Variants in GVQW3 observed in about 807,000 individuals in gnomAD.
GVQW3 encodes the protein GVQW motif containing 3, also known as protein GVQW3.
Under a neutral mutation model 12.5 loss-of-function variants are expected in GVQW3, and 7 were observed. That is an observed-to-expected ratio of 0.56 (90% CI 0.32 to 1.05). The LOEUF (loss-of-function observed/expected upper bound fraction) is 1.05. Ranked by LOEUF, GVQW3 falls within the 50% of genes least tolerant of loss-of-function variation. The probability of loss-of-function intolerance (pLI) is 0.04; values close to 1 mark genes in which losing one functional copy is unlikely to be tolerated. For synonymous variants in GVQW3, 71 were observed against 67.2 expected (o/e 1.06, Z -0.28); for missense variants, 188 against 190.8 (o/e 0.99, Z 0.09).
chr11:76,397,688 T>C (rs1946951656), intron 1 of GVQW3, among the ~76,000 whole-genome samples: 1 of 152,256 alleles, frequency 6.6e-6, no homozygotes, highest in African/African-American at 2.4e-5. Context: ...CACCATTCTA[T>C]AGTATGTCTA....
At chr11:76,409,662 A>C (rs547243453), downstream of GVQW3, among the ~76,000 whole-genome samples, 2 of 152,182 alleles carry the variant, frequency 1.3e-5, no homozygotes, top group Non-Finnish European at 2.9e-5. Context: ...TTCTTACCAC[A>C]TTAAATCATT....
rs1034638067 is a variant in GVQW3, at chr11:76,403,828, C to T, written c.*70C>T. 15 of 673,314 alleles carry T rather than the reference C, an allele frequency of 2.2e-5. No homozygotes were observed. The highest frequency in any genetic ancestry group is 1.9e-4 in the Admixed American group (9 of 48,028). The allele number at this position is 673,314 out of a possible 1,614,324, so 41.7% of individuals were successfully genotyped here. On this transcript the variant is annotated 3_prime_UTR_variant, in exon 2 of 2. Coordinates refer to ENST00000529331, the MANE Select transcript of GVQW3 (RefSeq NM_001347885.2). ...CAGTCTGAGTCCACAGGCCGAAGAG[C>T]GAGGAGTGCTGATGTACAAGGGCAG...
intron 1 of GVQW3, among the ~76,000 whole-genome samples, chr11:76,402,383 T>A (rs1384659870): frequency 1.3e-5 from 2 of 152,046 alleles, no homozygotes; most frequent in African/African-American, 2.4e-5. Flanking sequence ...TGAAGCCCTG[T>A]CTCTACTAAA....
At chr11:76,401,193 C>T (rs1396171464) in intron 1 of GVQW3, among the ~76,000 whole-genome samples, 4 of 151,928 alleles carry the variant, frequency 2.6e-5, no homozygotes, top group Admixed American at 1.3e-4. Flanking sequence ...ACTTTCTTAT[C>T]TCTCTATTTT....
At chr11:76,408,214 T>TA (rs1392183683), downstream of GVQW3, 4 of 152,286 alleles carry the variant, frequency 2.6e-5, no homozygotes, top group East Asian at 7.7e-4. Flanking sequence ...CGTACACAGA[T>TA]ACGCTTATTA....
At chr11:76,408,874 C>T (rs531045992), downstream of GVQW3, among the ~76,000 whole-genome samples, 13 of 152,180 alleles carry the variant, frequency 8.5e-5, no homozygotes, top group South Asian at 2.1e-4. Flanking sequence ...ATGATTTGTA[C>T]GGGAGAAATT....
In GVQW3 at chr11:76,400,352, A is replaced by C. The variant is rs187187334; in HGVS notation, c.466-3308A>C. Among the ~76,000 whole-genome samples, 373 of 151,174 alleles carry C rather than the reference A, an allele frequency of 2.5e-3. 1 individual carries two copies. The highest frequency in any genetic ancestry group is 8.7e-3 in the African/African-American group (359 of 41,190). ...TGGTCCTGAACTCCTGACCTCAGGT[A>C]ATCCACCTGCCTCAGCCTCCCAAAG... On this transcript the variant is annotated intron_variant, in intron 1 of 1. Transcript: ENST00000529331.
chr11:76,381,781 C>T lies in GVQW3; in HGVS notation c.-48C>T. The T allele has an allele frequency of 6.9e-7, 1 of 1,457,402 alleles. No individual in the cohort carries two copies. The highest frequency in any genetic ancestry group is 9.0e-7 in the Non-Finnish European group (1 of 1,107,432). 90.3% of individuals were successfully genotyped at this position (1,457,402 alleles called of 1,614,324 possible). A position where few individuals can be genotyped will look rare whatever the true frequency, so the allele number is the denominator to read the frequency against. Reference sequence around the variant, plus strand: ...ATAAAGATTGATCTGTCCGTCTTTCCCTTACAGTCGTGGCCTGTTAAACGT... The same window carrying T: ...ATAAAGATTGATCTGTCCGTCTTTCTCTTACAGTCGTGGCCTGTTAAACGT... On this transcript the variant is annotated 5_prime_UTR_variant, in exon 1 of 2. Transcript: ENST00000529331.
chr11:76,410,099 A>G (rs1947070665), downstream of GVQW3, among the ~76,000 whole-genome samples: 1 of 152,128 alleles, frequency 6.6e-6, no homozygotes, highest in Non-Finnish European at 1.5e-5. Flanking sequence ...TCTACAAAAA[A>G]ATAAGAAAAA....
chr11:76,403,257 C>T (rs1010982778), intron 1 of GVQW3, among the ~76,000 whole-genome samples: 4 of 152,146 alleles, frequency 2.6e-5, no homozygotes, highest in Non-Finnish European at 5.9e-5. Context: ...TGGAGGTAGA[C>T]ATTATCTCCT....
chr11:76,387,920 C>T (rs1946852193), intron 1 of GVQW3, among the ~76,000 whole-genome samples: 1 of 151,952 alleles, frequency 6.6e-6, no homozygotes, highest in Non-Finnish European at 1.5e-5. Flanking sequence ...GAGACCCTGT[C>T]TCAAACAAAA....
intron 1 of GVQW3, among the ~76,000 whole-genome samples, chr11:76,391,971 A>T (rs947543917): frequency 6.6e-6 from 1 of 152,186 alleles, no homozygotes; most frequent in African/African-American, 2.4e-5. Context: ...CAAACAAAAA[A>T]AAATCAGTGA....
downstream of GVQW3, among the ~76,000 whole-genome samples, chr11:76,410,423 G>C (rs1355015105): frequency 1.6e-5 from 2 of 125,498 alleles, no homozygotes; most frequent in African/African-American, 5.9e-5. Context: ...CCTGGGAAAA[G>C]GGTCTGTTTT....
chr11:76,413,336 C>A (rs935993976), exon 2 of GVQW3: 1 of 152,240 alleles, frequency 6.6e-6, no homozygotes, highest in East Asian at 1.9e-4. Context: ...AGGGACTTTC[C>A]GCAGATAACA....
At position 76,403,980 on chromosome 11, in the gene GVQW3, C is replaced by G. The variant is rs1015839468; in HGVS notation, c.*222C>G. On this transcript the variant is annotated 3_prime_UTR_variant, in exon 2 of 2. Transcript: ENST00000529331. ...TAGGGAGGGCTGCCTCTTCATTACT[C>G]GGTCTACCAATTCAAATGCTAATCT... The G allele has an allele frequency of 1.5e-6, 1 of 680,826 alleles. No individual in the cohort carries two copies. The highest frequency in any genetic ancestry group is 2.8e-5 in the East Asian group (1 of 36,088). 42.2% of individuals were successfully genotyped at this position (680,826 alleles called of 1,614,324 possible). A position where few individuals can be genotyped will look rare whatever the true frequency, so the allele number is the denominator to read the frequency against.
chr11:76,393,476 G>A (rs1946911714), intron 1 of GVQW3, among the ~76,000 whole-genome samples: 1 of 152,146 alleles, frequency 6.6e-6, no homozygotes, highest in African/African-American at 2.4e-5. Flanking sequence ...CTGCTCCTGT[G>A]CTATTTGGCT....
chr11:76,385,834 CA>C (rs1946828324), intron 1 of GVQW3, among the ~76,000 whole-genome samples: 1 of 152,164 alleles, frequency 6.6e-6, no homozygotes, highest in Non-Finnish European at 1.5e-5. Context: ...TTGCACTCCC[CA>C]GAGGCACCCA....
intron 1 of GVQW3, among the ~76,000 whole-genome samples, chr11:76,399,840 A>G (rs1263321075): frequency 6.6e-6 from 1 of 152,068 alleles, no homozygotes; most frequent in Non-Finnish European, 1.5e-5. Context: ...AACTTACACC[A>G]CTGGCTCTCC....
At chr11:76,398,911 A>T (rs934704394) in intron 1 of GVQW3, among the ~76,000 whole-genome samples, 1 of 152,106 alleles carries the variant, frequency 6.6e-6, no homozygotes, top group Non-Finnish European at 1.5e-5. Context: ...TTCTGGTTTG[A>T]GATTTATTTT....
Sources: allele counts gnomAD v4.1 joint callset (sites outside exome capture counted in the v4.1 genomes callset), GRCh38; gene constraint gnomAD v4.1.1; transcripts MANE v1.5; gene names NCBI Gene and HGNC (gene_info 2026-07-23, HGNC 2026-07-21).